Variants in DYNC1LI2 observed in about 807,000 individuals in gnomAD.
The protein encoded by DYNC1LI2 is dynein cytoplasmic 1 light intermediate chain 2, also known as cytoplasmic dynein 1 light intermediate chain 2.
A neutral mutation model predicts 57.8 loss-of-function variants in DYNC1LI2; 19 were observed. The observed-to-expected ratio is 0.33, with a 90% CI of 0.23 to 0.48. The LOEUF is 0.48. Ranked by LOEUF, DYNC1LI2 falls within the 20% of genes least tolerant of loss-of-function variation. The probability of loss-of-function intolerance (pLI) is 0.99; values close to 1 mark genes in which losing one functional copy is unlikely to be tolerated. For missense variants in DYNC1LI2, 470 were observed against 604.2 expected, an observed-to-expected ratio of 0.78 and a Z score of 2.33; for synonymous variants, 256 against 233.4, an observed-to-expected ratio of 1.10 and a Z score of -0.88.
In DYNC1LI2 at chr16:66,737,257, C is replaced by G. The variant is rs553700871; in HGVS notation, c.530-1013G>C. On this transcript the variant is annotated intron_variant, in intron 4 of 12. Transcript: ENST00000258198. Reference sequence around the variant, plus strand: ...CGTCACTGTACTCCAGTCTGGGCAACAGAGTGAGACTATACCTCAAAAAAC... The same window carrying G: ...CGTCACTGTACTCCAGTCTGGGCAAGAGAGTGAGACTATACCTCAAAAAAC... Among the ~76,000 whole-genome samples the G allele has an allele frequency of 1.8e-4, 27 of 152,164 alleles. No homozygotes were observed. The South Asian group carries it at 2.1e-3, about 12-fold the overall frequency.
chr16:66,727,670 C>T lies in DYNC1LI2; in HGVS notation c.1261+18G>A, dbSNP rs768401402. 2 of 1,613,080 alleles carry T rather than the reference C, an allele frequency of 1.2e-6. No homozygotes were observed. Among genetic ancestry groups the T allele is most frequent in the Non-Finnish European group, 1.7e-6 (2 of 1,179,406 alleles). On this transcript the variant is annotated intron_variant, in intron 11 of 12. Transcript: ENST00000258198. ...CTAAACTACTCTCCAAAGAGACATA[C>T]TTTTGAGGAATACATACTTTTGATG...
intron 9 of DYNC1LI2, among the ~76,000 whole-genome samples, chr16:66,728,777 T>C (rs2017581361): frequency 6.6e-6 from 1 of 152,196 alleles, no homozygotes; most frequent in Admixed American, 6.5e-5. Flanking sequence ...GAAAACCACA[T>C]TTCCAAAGAA....
intron 11 of DYNC1LI2, among the ~76,000 whole-genome samples, 190 bp downstream of exon 11, chr16:66,727,498 C>T (rs2017556915): frequency 6.6e-6 from 1 of 152,170 alleles, no homozygotes; most frequent in Non-Finnish European, 1.5e-5. Flanking sequence ...AAGGAACAGG[C>T]CCTGGTCTCT....
At chr16:66,734,529 C>T (rs1330787046) in intron 5 of DYNC1LI2, among the ~76,000 whole-genome samples, 5 of 151,568 alleles carry the variant, frequency 3.3e-5, no homozygotes, top group African/African-American at 1.2e-4. Flanking sequence ...ATGTAATAGG[C>T]CTGATCACCT....
chr16:66,745,013 G>A (rs1158293271), intron 3 of DYNC1LI2, among the ~76,000 whole-genome samples: 4 of 151,952 alleles, frequency 2.6e-5, no homozygotes, highest in African/African-American at 9.7e-5. Context: ...CTAAGGCTTC[G>A]ATTCTCCTGC....
chr16:66,723,636 A>AT lies in DYNC1LI2; in HGVS notation c.*85dup. The stretch of plus-strand genomic sequence containing the variant: ...TCCCCTGCCCCAAAAAACTGATAGC[A>AT]TGTGCCATATCAGAAAAATCCTGGT... On this transcript the variant is annotated 3_prime_UTR_variant, in exon 13 of 13. Transcript: ENST00000258198. 1 of 1,192,592 alleles carries AT rather than the reference A, an allele frequency of 8.4e-7. No individual in the cohort carries two copies. Among genetic ancestry groups the AT allele is most frequent in the Non-Finnish European group, 1.2e-6 (1 of 844,204 alleles). 73.9% of individuals were successfully genotyped at this position (1,192,592 alleles called of 1,614,324 possible). A position where few individuals can be genotyped will look rare whatever the true frequency, so the allele number is the denominator to read the frequency against.
intron 12 of DYNC1LI2, chr16:66,724,535 A>T (rs1596983840): frequency 1.3e-5 from 2 of 152,240 alleles, no homozygotes; most frequent in African/African-American, 4.8e-5. Flanking sequence ...CATACCTTAT[A>T]GCCAATGGAA....
chr16:66,742,731 AACAGAC>A, intron 3 of DYNC1LI2, 63 bp from the exon 4 acceptor site: 1 of 1,522,134 alleles, frequency 6.6e-7, no homozygotes. Flanking sequence ...TAGCTGCAGA[AACAGAC>A]ACATCAGGAA....
intron 3 of DYNC1LI2, among the ~76,000 whole-genome samples, chr16:66,743,846 A>G (rs544287729): frequency 6.6e-6 from 1 of 152,344 alleles, no homozygotes; most frequent in African/African-American, 2.4e-5. Flanking sequence ...AAACTGAGAT[A>G]TGAATTACCA....
Position 66,723,635 on chromosome 16 carries a change from C to A in DYNC1LI2, c.*87G>T. ...CTCCCCTGCCCCAAAAAACTGATAGCATGTGCCATATCAGAAAAATCCTGG... is the reference window on the plus strand; with the variant it reads ...CTCCCCTGCCCCAAAAAACTGATAGAATGTGCCATATCAGAAAAATCCTGG... On this transcript the variant is annotated 3_prime_UTR_variant, in exon 13 of 13. Coordinates refer to ENST00000258198, the MANE Select transcript of DYNC1LI2 (RefSeq NM_006141.3). 1 of 1,159,508 alleles carries A rather than the reference C, an allele frequency of 8.6e-7. No individual in the cohort carries two copies. Among genetic ancestry groups the A allele is most frequent in the South Asian group, 1.5e-5 (1 of 68,922 alleles). The allele number at this position is 1,159,508 out of a possible 1,614,324, so 71.8% of individuals were successfully genotyped here.
At chr16:66,741,092 A>AT (rs2017828890) in intron 4 of DYNC1LI2, among the ~76,000 whole-genome samples, 1 of 105,966 alleles carries the variant, frequency 9.4e-6, no homozygotes, top group Non-Finnish European at 1.7e-5. Context: ...TAGGGCAGAC[A>AT]CTTTCCCTAT....
chr16:66,734,202 A>G lies in DYNC1LI2; in HGVS notation c.793+16T>C. 6.2e-7 allele frequency: 1 copy of G among 1,613,496 alleles called. No individual in the cohort carries two copies. Among genetic ancestry groups the G allele is most frequent in the South Asian group, 1.1e-5 (1 of 90,988 alleles). On this transcript the variant is annotated intron_variant, in intron 6 of 12. Transcript: ENST00000258198. ...AAAGCCTGTGACCCAGGCCCCACAC[A>G]GCGCCCAAAGGATACACTGAAGGCA... is the stretch of plus-strand genomic sequence containing the variant.
At chr16:66,729,516 C>A (rs183157377) in intron 8 of DYNC1LI2, among the ~76,000 whole-genome samples, 81 of 151,660 alleles carry the variant, frequency 5.3e-4, no homozygotes, top group African/African-American at 1.7e-3. Flanking sequence ...CTGGGACTTA[C>A]TACTCCCCAC....
At chr16:66,732,061 C>T (rs954329640) in intron 7 of DYNC1LI2, 4 of 378,170 alleles carry the variant, frequency 1.1e-5, no homozygotes, top group Non-Finnish European at 1.9e-5. Flanking sequence ...ATTCCCTCCC[C>T]AGCCAGTATT....
intron 3 of DYNC1LI2, among the ~76,000 whole-genome samples, chr16:66,747,464 A>C (rs2145008549): frequency 6.6e-6 from 1 of 152,366 alleles, no homozygotes; most frequent in South Asian, 2.1e-4. Context: ...TTTAGCAATA[A>C]GGAAATGGGG....
intron 4 of DYNC1LI2, among the ~76,000 whole-genome samples, chr16:66,738,677 C>A (rs2017782473): frequency 6.6e-6 from 1 of 151,870 alleles, no homozygotes; most frequent in African/African-American, 2.4e-5. Context: ...GAATTCAAGA[C>A]CAGCCTGGCC....
intron 3 of DYNC1LI2, among the ~76,000 whole-genome samples, chr16:66,747,735 A>C (rs1339816032): frequency 1.3e-5 from 2 of 151,420 alleles, no homozygotes; most frequent in African/African-American, 4.9e-5. Flanking sequence ...ACGCCTGGCT[A>C]ATGTTTTGTA....
chr16:66,732,131 C>A, intron 7 of DYNC1LI2: 1 of 570,640 alleles, frequency 1.8e-6, no homozygotes, highest in Admixed American at 3.9e-5. Context: ...AACTTGCTCT[C>A]GAGGAAGAAA....
intron 3 of DYNC1LI2, among the ~76,000 whole-genome samples, chr16:66,743,191 AAAAC>A (rs1165221632): frequency 5.5e-5 from 6 of 109,118 alleles, no homozygotes; most frequent in Non-Finnish European, 5.4e-5. Flanking sequence ...AAACAAAAAC[AAAAC>A]AAACAAAAAA....
Sources: gnomAD v4.1 joint callset for allele counts (sites outside exome capture counted in the v4.1 genomes callset) on GRCh38, gnomAD v4.1.1 for gene constraint, MANE v1.5 for transcripts, NCBI Gene and HGNC (gene_info 2026-07-23, HGNC 2026-07-21) for gene names.